The following C10orf67 variants were observed in gnomAD, a reference collection of about 807,000 sequenced individuals.
The protein encoded by C10orf67 is chromosome 10 open reading frame 67, also known as uncharacterized protein C10orf67, mitochondrial.
A neutral mutation model predicts 35.6 loss-of-function variants in C10orf67; 60 were observed. The ratio of observed to expected loss-of-function variants is 1.68; its 90% confidence interval spans 1.37 to 2.09. The LOEUF (loss-of-function observed/expected upper bound fraction) is 2.09. Ranked by LOEUF, C10orf67 falls within the 30% of genes most tolerant of loss-of-function variation. C10orf67 has a pLI of 0.00. For synonymous variants in C10orf67, 167 were observed against 115.8 expected (o/e 1.44, Z -2.84); for missense variants, 474 against 330.2 (o/e 1.44, Z -3.38).
chr10:23,273,001 T>TA, intron 8 of C10orf67, among the ~76,000 whole-genome samples: 1 of 152,240 alleles, frequency 6.6e-6, no homozygotes, highest in East Asian at 1.9e-4. Context: ...TCATTGCTTA[T>TA]ATATAGAAGT....
intron 3 of C10orf67, among the ~76,000 whole-genome samples, chr10:23,321,724 G>A (rs1377572013): frequency 6.6e-6 from 1 of 152,186 alleles, no homozygotes; most frequent in Admixed American, 6.5e-5. Flanking sequence ...GGTGTGGTCA[G>A]CAAAAGATGG....
At chr10:23,279,097 A>G (rs1403205339) in intron 8 of C10orf67, among the ~76,000 whole-genome samples, 1 of 152,172 alleles carries the variant, frequency 6.6e-6, no homozygotes, top group Admixed American at 6.5e-5. Flanking sequence ...ATATTTTATA[A>G]ATGTTATTTT....
intron 13 of C10orf67, among the ~76,000 whole-genome samples, chr10:23,235,225 A>G (rs941567791): frequency 1.6e-4 from 25 of 152,122 alleles, no homozygotes; most frequent in African/African-American, 1.2e-4. Context: ...GTGAAATTCA[A>G]TGAAAAAAGA....
At chr10:23,294,193 C>A (rs1265090241) in intron 5 of C10orf67, among the ~76,000 whole-genome samples, 1 of 152,104 alleles carries the variant, frequency 6.6e-6, no homozygotes, top group Non-Finnish European at 1.5e-5. Flanking sequence ...TGCAACCCTG[C>A]AGAGCTGCCA....
chr10:23,325,713 C>T (rs2132356760), intron 2 of C10orf67, among the ~76,000 whole-genome samples: 1 of 149,676 alleles, frequency 6.7e-6, no homozygotes, highest in African/African-American at 2.4e-5. Context: ...GTGATTCAGT[C>T]TCAAGACAAA....
chr10:23,317,141 A>G (rs1209385176), intron 4 of C10orf67: 2 of 152,244 alleles, frequency 1.3e-5, no homozygotes, highest in Non-Finnish European at 2.9e-5. Context: ...CCTCCCTCCC[A>G]TGCTTGTTGG....
rs535238651 is a variant in C10orf67 at position 23,325,540 on chromosome 10, A to G, written c.328-3003T>C. 2.1e-5 allele frequency among the ~76,000 whole-genome samples: 3 copies of G among 145,650 alleles called. No individual in the cohort carries two copies. In the East Asian group the frequency reaches 8.5e-4, roughly 41 times the overall value. ...AACAAGTTAATTGTGTGCAAAAAAA[A>G]AAAAAACAAAAAACAAAAAAACAAA... On this transcript the variant is annotated intron_variant, in intron 2 of 15. Coordinates refer to ENST00000636213, the MANE Select transcript of C10orf67 (RefSeq NM_001371909.1).
intron 13 of C10orf67, among the ~76,000 whole-genome samples, chr10:23,230,946 T>C (rs1331703137): frequency 1.3e-5 from 2 of 152,146 alleles, no homozygotes; most frequent in Non-Finnish European, 2.9e-5. Flanking sequence ...GGCTATTTAT[T>C]GTCCTTCAAT....
At chr10:23,279,360 A>G (rs1393178424) in intron 8 of C10orf67, among the ~76,000 whole-genome samples, 2 of 152,242 alleles carry the variant, frequency 1.3e-5, no homozygotes, top group African/African-American at 4.8e-5. Context: ...AGGCCACGGA[A>G]ACATCTGTTT....
chr10:23,216,241 A>G lies in C10orf67; in HGVS notation c.1570+7357T>C, dbSNP rs1841426989. Among the ~76,000 whole-genome samples the G allele has an allele frequency of 2.0e-5, 3 of 152,228 alleles. No individual in the cohort carries two copies. In the South Asian group the frequency reaches 6.2e-4, roughly 31 times the overall value. On this transcript the variant is annotated intron_variant, in intron 15 of 15. Coordinates refer to ENST00000636213, the MANE Select transcript of C10orf67 (RefSeq NM_001371909.1). ...CAAGCAATTCATAGAAGAGGAAACT[A>G]AAATGGTTAATAAACATATAAAGAA...
chr10:23,322,672 G>T lies in C10orf67; in HGVS notation c.328-135C>A. 6.7e-6 allele frequency: 4 copies of T among 594,160 alleles called. 1 individual carries two copies. In the South Asian group the frequency reaches 8.5e-5, roughly 13 times the overall value. The allele number at this position is 594,160 out of a possible 1,614,324, so 36.8% of individuals were successfully genotyped here. On this transcript the variant is annotated intron_variant, in intron 2 of 15. Transcript: ENST00000636213. ...AAAGAGGGGAGCAACACACACTGGG[G>T]CCTACTTACGGTGGTGAGCGGGAGG...
At chr10:23,282,725 G>T (rs943846642) in intron 7 of C10orf67, among the ~76,000 whole-genome samples, 6 of 151,796 alleles carry the variant, frequency 4.0e-5, no homozygotes, top group African/African-American at 1.5e-4. Flanking sequence ...AAGCTACTTC[G>T]GAGGCTGAAG....
chr10:23,279,805 A>G (rs943118529), intron 8 of C10orf67, among the ~76,000 whole-genome samples: 11 of 151,158 alleles, frequency 7.3e-5, no homozygotes, highest in Non-Finnish European at 1.5e-4. Flanking sequence ...TTATATAAAT[A>G]ATAAATATGT....
intron 4 of C10orf67, among the ~76,000 whole-genome samples, chr10:23,315,250 G>A (rs1428069464): frequency 6.6e-6 from 1 of 152,116 alleles, no homozygotes; most frequent in African/African-American, 2.4e-5. Flanking sequence ...ATGAAAAACT[G>A]ATGAATACGA....
intron 2 of C10orf67, among the ~76,000 whole-genome samples, chr10:23,328,206 C>G (rs943684567): frequency 2.6e-5 from 4 of 152,060 alleles, no homozygotes; most frequent in South Asian, 2.1e-4. Flanking sequence ...GCATTGGTAG[C>G]TGTCAGCCCA....
chr10:23,260,545 C>T (rs1293494036), intron 10 of C10orf67, among the ~76,000 whole-genome samples: 2 of 152,242 alleles, frequency 1.3e-5, no homozygotes, highest in South Asian at 2.1e-4. Flanking sequence ...AAGCATATAA[C>T]ATGTTAGGAA....
chr10:23,293,432 G>C (rs996814293), intron 5 of C10orf67, among the ~76,000 whole-genome samples: 1 of 152,162 alleles, frequency 6.6e-6, no homozygotes, highest in Non-Finnish European at 1.5e-5. Context: ...GAGCTGCTAC[G>C]GTGCTCTGTT....
chr10:23,229,826 A>T (rs926244225), intron 13 of C10orf67, among the ~76,000 whole-genome samples: 38 of 152,162 alleles, frequency 2.5e-4, no homozygotes, highest in African/African-American at 9.2e-4. Context: ...AACTCTATTG[A>T]AATAATACCT....
intron 15 of C10orf67, among the ~76,000 whole-genome samples, chr10:23,212,174 G>A (rs1841327140): frequency 6.6e-6 from 1 of 152,188 alleles, no homozygotes. Context: ...GTCATCTACA[G>A]GTAAAGGAAA....
Sources: allele counts gnomAD v4.1 joint callset (sites outside exome capture counted in the v4.1 genomes callset), GRCh38; gene constraint gnomAD v4.1.1; transcripts MANE v1.5; gene names NCBI Gene and HGNC (gene_info 2026-07-23, HGNC 2026-07-21).